NUP210L: variants seen among roughly 807,000 people sequenced by gnomAD.
NUP210L encodes nucleoporin 210 like, also known as nuclear pore membrane glycoprotein 210-like.
In NUP210L, 74 loss-of-function variants were observed where a neutral mutation model predicts 208.5. The observed-to-expected ratio is 0.35, with a 90% CI of 0.29 to 0.43. NUP210L has a LOEUF of 0.43. Among genes scored for constraint, NUP210L ranks in the 20% least tolerant of loss-of-function variants. The pLI is 1.00. For missense variants in NUP210L, 1,843 were observed against 2,289.4 expected, an observed-to-expected ratio of 0.81 and a Z score of 3.98; for synonymous variants, 780 against 816.9, an observed-to-expected ratio of 0.95 and a Z score of 0.77.
intron 35 of NUP210L, among the ~76,000 whole-genome samples, chr1:154,006,909 C>T (rs1306822337): frequency 7.6e-6 from 1 of 130,958 alleles, no homozygotes; most frequent in Non-Finnish European, 1.6e-5. Context: ...CATATATATA[C>T]ACATATACAC....
rs199695423 is a variant in NUP210L, at chr1:154,113,626, A to G, written c.1620+4099T>C. ...TGTAATCCCAGCATTTTGGGAGGCCAAGGCGGGCAGATCACAAGGTCAGGA... is the reference window on the plus strand; with the variant it reads ...TGTAATCCCAGCATTTTGGGAGGCCGAGGCGGGCAGATCACAAGGTCAGGA... On this transcript the variant is annotated intron_variant, in intron 12 of 39. Transcript: ENST00000368559. Among the ~76,000 whole-genome samples the G allele has an allele frequency of 2.1e-4, 32 of 150,122 alleles. No individual in the cohort carries two copies. The East Asian group carries it at 5.7e-3, about 27-fold the overall frequency.
chr1:154,061,691 A>G lies in NUP210L; in HGVS notation c.2555-17T>C. On this transcript the variant is annotated splice_polypyrimidine_tract_variant and intron_variant, in intron 17 of 39. Coordinates refer to ENST00000368559, the Ensembl canonical transcript of NUP210L. ...TCTGATGACCTGGAAACATGCAGAA[A>G]AATACCCTGTGAGAAACAATAACAT... 7 of 1,447,508 alleles carry G rather than the reference A, an allele frequency of 4.8e-6. No homozygotes were observed. The highest frequency in any genetic ancestry group is 6.8e-6 in the Non-Finnish European group (7 of 1,035,608). The allele number at this position is 1,447,508 out of a possible 1,614,324, so 89.7% of individuals were successfully genotyped here.
chr1:154,008,857 C>G (rs751287634), intron 35 of NUP210L, among the ~76,000 whole-genome samples: 2 of 152,122 alleles, frequency 1.3e-5, no homozygotes, highest in Non-Finnish European at 2.9e-5. Flanking sequence ...ATTCAGACTG[C>G]CTGATCTAGC....
exon 36 of NUP210L, chr1:154,001,891 T>C (rs1650234459): frequency 6.2e-7 from 1 of 1,614,156 alleles, no homozygotes; most frequent in South Asian, 1.1e-5. Flanking sequence ...CACTGACCAG[T>C]GTAGCCCACC....
At position 154,133,414 on chromosome 1, in the gene NUP210L, G is replaced by C. The variant is rs371125658; in HGVS notation, c.1009+2400C>G. 2.0e-5 allele frequency among the ~76,000 whole-genome samples: 3 copies of C among 152,160 alleles called. 1 individual carries two copies. Among genetic ancestry groups the C allele is most frequent in the African/African-American group, 7.2e-5 (3 of 41,518 alleles). ...AAAAAAGACACAATTAGTATGGCAC[G>C]GTGGTGTATGCCTATAGTCCCAGCT... On this transcript the variant is annotated intron_variant, in intron 7 of 39. Coordinates refer to ENST00000368559, the Ensembl canonical transcript of NUP210L.
intron 35 of NUP210L, among the ~76,000 whole-genome samples, chr1:154,003,217 T>C (rs1251506949): frequency 6.7e-6 from 1 of 150,322 alleles, no homozygotes; most frequent in African/African-American, 2.4e-5. Context: ...TTATTTTATA[T>C]ATATTTTTGA....
rs1237874655 is a variant in NUP210L, at chr1:154,090,904, T to C, written c.2188-1310A>G. Among the ~76,000 whole-genome samples, 3 of 151,188 alleles carry C rather than the reference T, an allele frequency of 2.0e-5. No individual in the cohort carries two copies. The East Asian group carries it at 5.8e-4, about 29-fold the overall frequency. On this transcript the variant is annotated intron_variant, in intron 15 of 39. Coordinates refer to ENST00000368559, the Ensembl canonical transcript of NUP210L. The stretch of plus-strand genomic sequence containing the variant: ...GTGCACTGTTGGTAGGAAAGTAAAA[T>C]GGTACAGCTGCTGTGGAAAATAGTA...
intron 8 of NUP210L, among the ~76,000 whole-genome samples, chr1:154,128,809 T>C (rs746378580): frequency 5.3e-5 from 8 of 152,264 alleles, no homozygotes; most frequent in Non-Finnish European, 7.4e-5. Flanking sequence ...ATCACACCAC[T>C]GCATTCCAGC....
chr1:154,154,799 A>AT, intron 1 of NUP210L, 43 bp downstream of exon 1: 2 of 1,459,294 alleles, frequency 1.4e-6, no homozygotes, highest in Non-Finnish European at 1.9e-6. Flanking sequence ...CCCTTACTGG[A>AT]TGGTAGTGAG....
intron 27 of NUP210L, among the ~76,000 whole-genome samples, chr1:154,033,274 T>A (rs1373343690): frequency 6.6e-6 from 1 of 152,190 alleles, no homozygotes; most frequent in African/African-American, 2.4e-5. Flanking sequence ...TGTCAATTTT[T>A]GTTTTGGTTG....
intron 12 of NUP210L, among the ~76,000 whole-genome samples, chr1:154,107,730 G>A (rs1394935155): frequency 4.0e-5 from 6 of 151,582 alleles, no homozygotes; most frequent in Admixed American, 3.3e-4. Flanking sequence ...AGCTGGGCAT[G>A]GTGGCGCATG....
chr1:154,009,927 T>C (rs1309745126), intron 35 of NUP210L, 45 bp downstream of exon 35: 3 of 1,502,736 alleles, frequency 2.0e-6, no homozygotes, highest in East Asian at 2.3e-5. Context: ...ATTATACAAA[T>C]AGATAAACAG....
At chr1:154,150,112 C>T (rs767906801) in intron 2 of NUP210L, among the ~76,000 whole-genome samples, 6 of 152,092 alleles carry the variant, frequency 3.9e-5, no homozygotes, top group Non-Finnish European at 7.4e-5. Context: ...TGGTGGCTCA[C>T]GCCTGTAATC....
chr1:154,006,147 C>T (rs937620345), intron 35 of NUP210L, among the ~76,000 whole-genome samples: 3 of 152,068 alleles, frequency 2.0e-5, no homozygotes, highest in Non-Finnish European at 4.4e-5. Context: ...CGTGAGCCAC[C>T]GCACCTGGCC....
chr1:153,995,277 A>C, intron 37 of NUP210L, 97 bp from the exon 38 acceptor site: 1 of 826,012 alleles, frequency 1.2e-6, no homozygotes, highest in Non-Finnish European at 2.0e-6. Flanking sequence ...ACAGAGTTTT[A>C]CTCTCACTCT....
At chr1:154,008,391 C>A (rs532547110) in intron 35 of NUP210L, among the ~76,000 whole-genome samples, 2 of 151,812 alleles carry the variant, frequency 1.3e-5, no homozygotes, top group South Asian at 4.2e-4. Flanking sequence ...CCTACACAAA[C>A]AAACAAACAA....
chr1:154,092,250 T>A (rs2148049750), intron 15 of NUP210L, among the ~76,000 whole-genome samples: 1 of 151,656 alleles, frequency 6.6e-6, no homozygotes, highest in East Asian at 1.9e-4. Flanking sequence ...TAATTTTTTT[T>A]TTTTATTTTT....
intron 17 of NUP210L, among the ~76,000 whole-genome samples, chr1:154,065,852 C>T (rs116660385): frequency 0.012 from 1,593 of 136,648 alleles, 36 homozygotes; most frequent in African/African-American, 0.042. Context: ...GAGATAGCAC[C>T]ATTGCACCCC....
At chr1:154,040,027 A>G (rs906078534) in intron 27 of NUP210L, 9 of 151,828 alleles carry the variant, frequency 5.9e-5, no homozygotes, top group African/African-American at 2.2e-4. Flanking sequence ...GAGCACTACT[A>G]TTTTTTTTAG....
Sources: gnomAD v4.1 joint callset for allele counts (sites outside exome capture counted in the v4.1 genomes callset) on GRCh38, gnomAD v4.1.1 for gene constraint, MANE v1.5 for transcripts, NCBI Gene and HGNC (gene_info 2026-07-23, HGNC 2026-07-21) for gene names.